The following ABCC4 variants were observed in gnomAD, a reference collection of about 807,000 sequenced individuals.
The protein encoded by ABCC4 is ATP binding cassette subfamily C member 4 (PEL blood group).
Under a neutral mutation model 168.5 loss-of-function variants are expected in ABCC4, and 102 were observed. That is an observed-to-expected ratio of 0.61 (90% CI 0.52 to 0.71). The LOEUF is 0.71. Ranked by LOEUF, ABCC4 falls within the 30% of genes least tolerant of loss-of-function variation. The pLI is 0.00. For missense variants in ABCC4, 1,402 were observed against 1,605.8 expected, an observed-to-expected ratio of 0.87 and a Z score of 2.17; for synonymous variants, 617 against 590.7, an observed-to-expected ratio of 1.04 and a Z score of -0.65.
chr13:95,250,204 A>G (rs1470197464), intron 1 of ABCC4, among the ~76,000 whole-genome samples: 1 of 152,216 alleles, frequency 6.6e-6, no homozygotes, highest in Non-Finnish European at 1.5e-5. Flanking sequence ...GAGGGGGTCT[A>G]GTCAACAATT....
chr13:95,224,949 G>A (rs2039412861), intron 4 of ABCC4, among the ~76,000 whole-genome samples: 1 of 152,002 alleles, frequency 6.6e-6, no homozygotes, highest in African/African-American at 2.4e-5. Context: ...GTGAAGATGA[G>A]GGGATATTAA....
At position 95,186,894 on chromosome 13, in the gene ABCC4, T is replaced by A; in HGVS notation, c.1354-2A>T. On this transcript the variant is annotated splice_acceptor_variant, in intron 10 of 30. Coordinates refer to ENST00000645237, the MANE Select transcript of ABCC4 (RefSeq NM_005845.5). LOFTEE classifies it high-confidence loss of function. ...GAGCACGGCACTTAACAGTGATGAC[T>A]GAAACAGATTGTAAAAAAGCACATG... 6.2e-7 allele frequency: 1 copy of A among 1,600,632 alleles called. No homozygotes were observed. Among genetic ancestry groups the A allele is most frequent in the South Asian group, 1.1e-5 (1 of 88,884 alleles).
chr13:95,046,095 A>G (rs1594000410), intron 27 of ABCC4, among the ~76,000 whole-genome samples: 1 of 152,338 alleles, frequency 6.6e-6, no homozygotes, highest in East Asian at 1.9e-4. Context: ...CTCCATTACA[A>G]AGAAGAGGAC....
chr13:95,125,637 A>G (rs2035732669), intron 19 of ABCC4, among the ~76,000 whole-genome samples: 1 of 152,164 alleles, frequency 6.6e-6, no homozygotes, highest in South Asian at 2.1e-4. Context: ...CCAGACCTTA[A>G]CATGCTGTGT....
At position 95,034,585 on chromosome 13, in the gene ABCC4, A is replaced by G. The variant is rs1316017670; in HGVS notation, c.3870+20T>C. The G allele has an allele frequency of 1.2e-6, 2 of 1,606,618 alleles. No individual in the cohort carries two copies. Among genetic ancestry groups the G allele is most frequent in the South Asian group, 2.2e-5 (2 of 90,392 alleles). ...GCCGCTGAGACAAACTTTAATTACA[A>G]CTCCTTGGAGCACGCTCACCTGTTT... On this transcript the variant is annotated intron_variant, in intron 30 of 30. Coordinates refer to ENST00000645237, the MANE Select transcript of ABCC4 (RefSeq NM_005845.5).
Position 95,161,184 on chromosome 13 carries a change from C to T in ABCC4, c.2455+5G>A. Reference sequence around the variant, plus strand: ...ACTTACTGAGAAACTTGGTGTCAGACTTACCTATTGGATTTCTATCAAAGA... The same window carrying T: ...ACTTACTGAGAAACTTGGTGTCAGATTTACCTATTGGATTTCTATCAAAGA... On this transcript the variant is annotated splice_donor_5th_base_variant and intron_variant, in intron 19 of 30. Coordinates refer to ENST00000645237, the MANE Select transcript of ABCC4 (RefSeq NM_005845.5). 6.3e-7 allele frequency: 1 copy of T among 1,592,374 alleles called. No homozygotes were observed. Among genetic ancestry groups the T allele is most frequent in the Non-Finnish European group, 8.5e-7 (1 of 1,173,304 alleles).
At chr13:95,297,280 A>AAG (rs56927152) in intron 1 of ABCC4, among the ~76,000 whole-genome samples, 1 of 138,010 alleles carries the variant, frequency 7.2e-6, no homozygotes, top group Non-Finnish European at 1.6e-5. Flanking sequence ...AAAAAAAAAA[A>AAG]GAAAGAAAAA....
intron 1 of ABCC4, among the ~76,000 whole-genome samples, chr13:95,261,309 C>T (rs535832035): frequency 1.1e-3 from 161 of 151,982 alleles, no homozygotes; most frequent in African/African-American, 3.7e-3. Flanking sequence ...ATTAGCTGGG[C>T]GTGGTGGTGC....
At chr13:95,297,463 G>A (rs2041566416) in intron 1 of ABCC4, among the ~76,000 whole-genome samples, 1 of 152,130 alleles carries the variant, frequency 6.6e-6, no homozygotes, top group Non-Finnish European at 1.5e-5. Flanking sequence ...TAGGTAGGCA[G>A]CTGCCAGTTC....
chr13:95,152,878 T>C (rs1034504690), intron 19 of ABCC4, among the ~76,000 whole-genome samples: 1 of 152,178 alleles, frequency 6.6e-6, no homozygotes, highest in Non-Finnish European at 1.5e-5. Context: ...AGAGTTCTCA[T>C]ATGAGAACTT....
intron 20 of ABCC4, among the ~76,000 whole-genome samples, chr13:95,087,250 G>A (rs2034287095): frequency 1.3e-5 from 2 of 152,168 alleles, no homozygotes; most frequent in African/African-American, 4.8e-5. Flanking sequence ...AACTGGCAGG[G>A]TGCGGTGGCT....
At chr13:95,288,914 C>T (rs1476749896) in intron 1 of ABCC4, among the ~76,000 whole-genome samples, 2 of 152,276 alleles carry the variant, frequency 1.3e-5, no homozygotes, top group East Asian at 1.9e-4. Context: ...CAAATTGTGT[C>T]GCTTAATCAA....
At chr13:95,278,669 T>C (rs2041032673) in intron 1 of ABCC4, among the ~76,000 whole-genome samples, 1 of 151,852 alleles carries the variant, frequency 6.6e-6, no homozygotes, top group African/African-American at 2.4e-5. Context: ...TGGTGGTGCA[T>C]GCCTATAGTC....
At chr13:95,273,661 C>T (rs1322149404) in intron 1 of ABCC4, among the ~76,000 whole-genome samples, 1 of 146,728 alleles carries the variant, frequency 6.8e-6, no homozygotes, top group Admixed American at 6.8e-5. Flanking sequence ...GCTCTGTGTC[C>T]CCACCCAAAT....
chr13:95,050,694 G>A (rs1370959077), intron 27 of ABCC4, among the ~76,000 whole-genome samples: 3 of 152,106 alleles, frequency 2.0e-5, no homozygotes, highest in African/African-American at 7.2e-5. Context: ...CTTCTGAGGG[G>A]GACCTACCAC....
At chr13:95,183,537 T>C (rs1204837188) in intron 11 of ABCC4, among the ~76,000 whole-genome samples, 1 of 152,204 alleles carries the variant, frequency 6.6e-6, no homozygotes, top group Non-Finnish European at 1.5e-5. Flanking sequence ...GCAAAATTTC[T>C]TGGAAACCAT....
In ABCC4 at chr13:95,068,604, C is replaced by T. The variant is rs537216152; in HGVS notation, c.3210+3058G>A. Among the ~76,000 whole-genome samples, 19 of 152,284 alleles carry T rather than the reference C, an allele frequency of 1.2e-4. 1 individual carries two copies. Among genetic ancestry groups the T allele is most frequent in the African/African-American group, 3.9e-4 (16 of 41,556 alleles). On this transcript the variant is annotated intron_variant, in intron 25 of 30. Transcript: ENST00000645237. ...CTGCACTCCAGCCTAGATGACACAG[C>T]GAGACTCTGTCTCAAAAGCCAAGTG...
At chr13:95,079,374 C>T (rs185103731) in intron 21 of ABCC4, among the ~76,000 whole-genome samples, 124 of 152,298 alleles carry the variant, frequency 8.1e-4, no homozygotes, top group African/African-American at 2.8e-3. Flanking sequence ...AGTCTTGCTG[C>T]GGGGTACTGA....
intron 19 of ABCC4, among the ~76,000 whole-genome samples, chr13:95,134,218 AAT>A (rs961857552): frequency 6.6e-5 from 10 of 152,174 alleles, no homozygotes; most frequent in Admixed American, 2.0e-4. Flanking sequence ...AATGCCAAAA[AAT>A]ATATATGTTA....
Sources: allele counts gnomAD v4.1 joint callset (sites outside exome capture counted in the v4.1 genomes callset), GRCh38; gene constraint gnomAD v4.1.1; transcripts MANE v1.5; gene names NCBI Gene and HGNC (gene_info 2026-07-23, HGNC 2026-07-21).